PRR14: variants seen among roughly 807,000 people sequenced by gnomAD.
The protein encoded by PRR14 is proline-rich protein 14.
PRR14 carries 33 observed loss-of-function variants against 57.2 expected under a neutral mutation model. The ratio of observed to expected loss-of-function variants is 0.58; its 90% CI spans 0.44 to 0.77. The LOEUF (loss-of-function observed/expected upper bound fraction) is 0.77. Among genes scored for constraint, PRR14 ranks in the 30% least tolerant of loss-of-function variants. The pLI is 0.00. For missense variants in PRR14, 716 were observed against 788.1 expected (o/e 0.91, Z 1.10); for synonymous variants, 303 against 314.7 (o/e 0.96, Z 0.39).
intron 5 of PRR14, 127 bp from the exon 6 acceptor site, chr16:30,653,238 A>G: frequency 7.3e-7 from 1 of 1,378,550 alleles, no homozygotes; most frequent in Non-Finnish European, 1.0e-6. Flanking sequence ...ACACTGCCTG[A>G]GCAAAGACTA....
chr16:30,652,096 C>A, intron 3 of PRR14, 132 bp downstream of exon 3: 1 of 1,036,820 alleles, frequency 9.6e-7, no homozygotes, highest in Non-Finnish European at 1.4e-6. Flanking sequence ...AGGCAGCCTC[C>A]CTCATGGTAG....
intron 5 of PRR14, 42 bp downstream of exon 5, chr16:30,653,145 T>A: frequency 6.5e-7 from 1 of 1,539,916 alleles, no homozygotes. Flanking sequence ...TTCTGCTGGG[T>A]TCCAGCAGGG....
chr16:30,655,943 A>T lies in PRR14; in HGVS notation c.1478+4A>T. 1 of 1,613,996 alleles carries T rather than the reference A, an allele frequency of 6.2e-7. No homozygotes were observed. Among genetic ancestry groups the T allele is most frequent in the Non-Finnish European group, 8.5e-7 (1 of 1,179,886 alleles). On this transcript the variant is annotated splice_donor_region_variant and intron_variant, in intron 11 of 11. Transcript: ENST00000300835. The surrounding 1 kb of genome is among the most constrained non-coding windows in gnomAD (Gnocchi z 4.6). ...ACCAATCACCCACAACCAGGAGGTG[A>T]GACACTTGGAAGGCTAGAGGGTGGC... is the stretch of plus-strand genomic sequence containing the variant.
chr16:30,653,397 C>A lies in PRR14; in HGVS notation c.537C>A (p.Ile179=), dbSNP rs141057474. 13 of 1,613,716 alleles carry A rather than the reference C, an allele frequency of 8.1e-6. No individual in the cohort carries two copies. The African/African-American group carries it at 1.1e-4, about 13-fold the overall frequency. ...GFIDETPNFI[I]PAQRAEPMRI... ...TTGATGAGACCCCCAACTTCATCAT[C>A]CCAGCACAAAGGTGAGAGGGCTGGA... The change falls in exon 6 of 12, where the codon ATC becomes ATA. Residue 179 remains isoleucine, a synonymous_variant. Transcript: ENST00000300835.
chr16:30,652,944 G>C lies in PRR14; in HGVS notation c.345G>C (p.Glu115Asp). The change falls in exon 5 of 12, where the codon GAG becomes GAC. Residue 115 changes from glutamate (E) to aspartate (D), a missense_variant. By Grantham distance (45) the Glu-to-Asp change is conservative. Transcript: ENST00000300835. ...CCGACCCTCTGTGTTTGTGTCGCGA[G>C]CCCTTGAGCCGCATCCACCGGACCT... ...RPPDPLCLCR[E>D]PLSRIHRTSS... 2 of 1,614,074 alleles carry C rather than the reference G, an allele frequency of 1.2e-6. No individual in the cohort carries two copies. Among genetic ancestry groups the C allele is most frequent in the Non-Finnish European group, 1.7e-6 (2 of 1,179,980 alleles).
rs1451430091 is a variant in PRR14, at chr16:30,654,335, A to G, written c.654A>G (p.Pro218=). The change falls in exon 7 of 12, where the codon CCA becomes CCG. Residue 218 remains proline, a synonymous_variant. Transcript: ENST00000300835. The part of the protein sequence containing the change: ...ALPADPLESP[P]TAPDPALELP... ...CTGCAGACCCTCTGGAGAGCCCACC[A>G]ACAGGTAAGGACTTGGGTAGAGATC... 1.2e-6 allele frequency: 2 copies of G among 1,611,588 alleles called. No homozygotes were observed. The highest frequency in any genetic ancestry group is 2.2e-5 in the East Asian group (1 of 44,848).
chr16:30,656,346 C>G lies in PRR14; in HGVS notation c.*35C>G. The G allele has an allele frequency of 6.4e-7, 1 of 1,561,582 alleles. No homozygotes were observed. Among genetic ancestry groups the G allele is most frequent in the Non-Finnish European group, 8.6e-7 (1 of 1,160,500 alleles). ...CTGTTGGTCATCCATCCTGAAGGGA[C>G]AGGAAACCTCCCAGGCAGTTATTTT... On this transcript the variant is annotated 3_prime_UTR_variant, in exon 12 of 12. Transcript: ENST00000300835.
At chr16:30,654,490 C>T (rs2052345463) in intron 7 of PRR14, 139 bp from the exon 8 acceptor site, 1 of 964,236 alleles carries the variant, frequency 1.0e-6, no homozygotes, top group Non-Finnish European at 1.6e-6. Flanking sequence ...ATGTCAGAGG[C>T]TTGAAGTTCA....
intron 3 of PRR14, 52 bp from the exon 4 acceptor site, chr16:30,652,669 C>A: frequency 1.2e-6 from 2 of 1,609,932 alleles, no homozygotes; most frequent in Non-Finnish European, 1.7e-6. Flanking sequence ...GAAACCTTGT[C>A]CCGTCCAGCC....
chr16:30,654,567 TG>T, intron 7 of PRR14, 61 bp from the exon 8 acceptor site: 1 of 1,341,262 alleles, frequency 7.5e-7, no homozygotes, highest in Non-Finnish European at 1.0e-6. Flanking sequence ...GTTGAGCATG[TG>T]GGGAGGGGCT....
rs755167360 is a variant in PRR14 at position 30,653,042 on chromosome 16, C to A, written c.443C>A (p.Ala148Asp). ...GGCCCTTCACAAAAGGTGGACCGGG[C>A]CCCCCAGCCCACCCTGGTGGTGATG... ...EEGPSQKVDR[A>D]PQPTLVVMLE... Residue 148 changes from alanine to aspartate, a missense_variant, in exon 5 of 12, where the codon GCC becomes GAC. Ala to Asp is a moderately radical substitution (Grantham distance 126). Coordinates refer to ENST00000300835, the MANE Select transcript of PRR14 (RefSeq NM_024031.5). 6.2e-7 allele frequency: 1 copy of A among 1,613,432 alleles called. No homozygotes were observed. The highest frequency in any genetic ancestry group is 2.2e-5 in the East Asian group (1 of 44,874).
rs1162561604 is a variant in PRR14 at position 30,655,266 on chromosome 16, C to T, written c.1244+52C>T. On this transcript the variant is annotated intron_variant, in intron 8 of 11. Coordinates refer to ENST00000300835, the MANE Select transcript of PRR14 (RefSeq NM_024031.5). This position sits in a 1 kb window ranked among gnomAD's most constrained non-coding sequence, Gnocchi z 4.6. ...AGCCTGGCTGCAGCCTGGTCCCAGC[C>T]TCCTTCCCTGAGTATCCAGTGGGCA... is the stretch of plus-strand genomic sequence containing the variant. 1.2e-6 allele frequency: 2 copies of T among 1,601,366 alleles called. No individual in the cohort carries two copies. Among genetic ancestry groups the T allele is most frequent in the South Asian group, 1.1e-5 (1 of 90,370 alleles).
At chr16:30,652,057 C>T (rs1018847803) in intron 3 of PRR14, 93 bp downstream of exon 3, 1 of 1,350,982 alleles carries the variant, frequency 7.4e-7, no homozygotes, top group Non-Finnish European at 1.0e-6. Context: ...AACTGAAGTC[C>T]AAATCCATCA....
chr16:30,654,551 C>T, intron 7 of PRR14, 78 bp from the exon 8 acceptor site: 24 of 1,239,738 alleles, frequency 1.9e-5, no homozygotes, highest in Non-Finnish European at 2.5e-5. Context: ...TTCCCCTGTG[C>T]ACAAAGTTGA....
At position 30,651,406 on chromosome 16, in the gene PRR14, G is replaced by A; in HGVS notation, c.-50-190G>A. The A allele has an allele frequency of 2.1e-6, 1 of 483,500 alleles. No individual in the cohort carries two copies. Among genetic ancestry groups the A allele is most frequent in the Non-Finnish European group, 3.6e-6 (1 of 274,424 alleles). 30.0% of individuals were successfully genotyped at this position (483,500 alleles called of 1,614,324 possible). ...TGGCGGCAGGTGCCAGGCAGGGCGC[G>A]AGTGATCCGCTGATCGAGGCGGTGG... On this transcript the variant is annotated intron_variant, in intron 1 of 11. Coordinates refer to ENST00000300835, the MANE Select transcript of PRR14 (RefSeq NM_024031.5). The surrounding 1 kb of genome is among the most constrained non-coding windows in gnomAD (Gnocchi z 5.0).
At position 30,651,788 on chromosome 16, in the gene PRR14, C is replaced by A; in HGVS notation, c.24-8C>A. On this transcript the variant is annotated splice_region_variant and splice_polypyrimidine_tract_variant and intron_variant, in intron 2 of 11. Transcript: ENST00000300835. This position sits in a 1 kb window ranked among gnomAD's most constrained non-coding sequence, Gnocchi z 5.0. Reference sequence around the variant, plus strand: ...GGGCGACCGTCCTCTGCTTCTTTCACCCTCCAGCCCGCCTGGCCAGCCGCG... The same window carrying A: ...GGGCGACCGTCCTCTGCTTCTTTCAACCTCCAGCCCGCCTGGCCAGCCGCG... 6.2e-7 allele frequency: 1 copy of A among 1,606,778 alleles called. No individual in the cohort carries two copies. The highest frequency in any genetic ancestry group is 8.5e-7 in the Non-Finnish European group (1 of 1,179,860).
rs1411558510 is a variant in PRR14, at chr16:30,655,831, C to T, written c.1407-37C>T. 5 of 1,611,090 alleles carry T rather than the reference C, an allele frequency of 3.1e-6. No homozygotes were observed. Among genetic ancestry groups the T allele is most frequent in the African/African-American group, 2.7e-5 (2 of 74,878 alleles). ...ACCTGTCCCTTCAGGCCCCACTGGC[C>T]CAAGGTTTCTCAGTGGCCTCTGCTC... On this transcript the variant is annotated intron_variant, in intron 10 of 11. Transcript: ENST00000300835. This position sits in a 1 kb window ranked among gnomAD's most constrained non-coding sequence, Gnocchi z 4.6.
Position 30,652,833 on chromosome 16 carries a change from C to T in PRR14, c.305C>T (p.Ser102Leu), listed in dbSNP as rs148681344. The change falls in exon 4 of 12, where the codon TCG becomes TTG. Residue 102 changes from serine (S) to leucine (L), a missense_variant. Transcript: ENST00000300835. ...CCACCCCGGCAGGCCGGGTGGTCCT[C>T]GCAGGCCAGGTGAGCATGGCAGGAT... is the stretch of plus-strand genomic sequence containing the variant. ...ASPPRQAGWS[S>L]QARPPDPLCL... 1.4e-5 allele frequency: 23 copies of T among 1,614,028 alleles called. No homozygotes were observed. Among genetic ancestry groups the T allele is most frequent in the African/African-American group, 5.3e-5 (4 of 74,948 alleles).
Position 30,655,861 on chromosome 16 carries a change from C to T in PRR14, c.1407-7C>T. 6.2e-7 allele frequency: 1 copy of T among 1,614,126 alleles called. No homozygotes were observed. The highest frequency in any genetic ancestry group is 2.2e-5 in the East Asian group (1 of 44,888). ...GTTTCTCAGTGGCCTCTGCTCTTTG[C>T]TCACAGGTTGAACAAGAAGGAGTTC... On this transcript the variant is annotated splice_region_variant and splice_polypyrimidine_tract_variant and intron_variant, in intron 10 of 11. Transcript: ENST00000300835. The surrounding 1 kb of genome is among the most constrained non-coding windows in gnomAD (Gnocchi z 4.6).
Sources: allele counts gnomAD v4.1 joint callset, GRCh38; gene constraint gnomAD v4.1.1; non-coding constraint Gnocchi (gnomAD v3.1); transcripts MANE v1.5; gene names NCBI Gene and HGNC (gene_info 2026-07-23, HGNC 2026-07-21).